The following KRT32 variants were observed in gnomAD, a reference collection of about 807,000 sequenced individuals.
KRT32 encodes the protein keratin, type I cuticular Ha2.
A neutral mutation model predicts 41.8 loss-of-function variants in KRT32; 44 were observed. The ratio of observed to expected loss-of-function variants is 1.05; its 90% CI spans 0.83 to 1.35. The LOEUF (loss-of-function observed/expected upper bound fraction) is 1.35, where lower values mean the gene tolerates loss of function less well. KRT32 is among the 40% of genes most tolerant of loss of function. KRT32 has a pLI of 0.00. For synonymous variants in KRT32, 238 were observed against 242.5 expected (o/e 0.98, Z 0.17); for missense variants, 576 against 584.6 (o/e 0.99, Z 0.15).
chr17:41,466,110 C>A lies in KRT32; in HGVS notation c.535G>T (p.Asp179Tyr), dbSNP rs763536946. ...VNIDNAKLAA[D>Y]DFRAKYEAEL... Reference sequence around the variant, plus strand: ...TGAACTCACTTGGCCCTGAAGTCATCGGCAGCCAGTTTGGCATTATCAATG... The same window carrying A: ...TGAACTCACTTGGCCCTGAAGTCATAGGCAGCCAGTTTGGCATTATCAATG... The change falls in exon 2 of 7, where the codon GAT becomes TAT. Residue 179 changes from aspartate to tyrosine, a missense_variant. Physicochemically the swap from Asp to Tyr is radical, Grantham distance 160. Coordinates refer to ENST00000225899, the MANE Select transcript of KRT32 (RefSeq NM_002278.3). 1.2e-6 allele frequency: 2 copies of A among 1,614,186 alleles called. No homozygotes were observed.
At chr17:41,460,438 C>T (rs1362596604) in intron 6 of KRT32, among the ~76,000 whole-genome samples, 199 bp from the exon 7 acceptor site, 1 of 152,116 alleles carries the variant, frequency 6.6e-6, no homozygotes, top group African/African-American at 2.4e-5. Flanking sequence ...CCACTTGGGC[C>T]CCTCCTAACC....
In KRT32 at chr17:41,463,037, T is replaced by A. The variant is rs751150207; in HGVS notation, c.1010A>T (p.Glu337Val). Reference sequence around the variant, plus strand: ...GGCCTCACTCTCCGTCAGCGTGTTTTCCAGGGAGTCCCTCTAAGGCAAAGG... The same window carrying A: ...GGCCTCACTCTCCGTCAGCGTGTTTACCAGGGAGTCCCTCTAAGGCAAAGG... ...QAQHSLRDSL[E>V]NTLTESEARY... is the part of the protein sequence containing the mutation. Residue 337 changes from glutamate to valine, a missense_variant, in exon 6 of 7, where the codon GAA becomes GTA. Coordinates refer to ENST00000225899, the MANE Select transcript of KRT32 (RefSeq NM_002278.3). 6.2e-7 allele frequency: 1 copy of A among 1,613,100 alleles called. No homozygotes were observed. Among genetic ancestry groups the A allele is most frequent in the Non-Finnish European group, 8.5e-7 (1 of 1,179,278 alleles).
chr17:41,464,924 A>C (rs1239219952), intron 3 of KRT32, among the ~76,000 whole-genome samples: 2 of 152,214 alleles, frequency 1.3e-5, no homozygotes, highest in East Asian at 3.9e-4. Context: ...TGCCGTTCCC[A>C]GTTCTCTGAT....
At chr17:41,463,703 T>A (rs1359825611) in intron 5 of KRT32, among the ~76,000 whole-genome samples, 9 of 92,446 alleles carry the variant, frequency 9.7e-5, no homozygotes, top group African/African-American at 3.5e-4. Flanking sequence ...TGAGACTCCA[T>A]CTCAAAAAAA....
In KRT32 at chr17:41,465,848, C is replaced by T. The variant is rs1254550656; in HGVS notation, c.633G>A (p.Leu211=). Residue 211 remains leucine (L), a synonymous_variant, in exon 3 of 7, where the codon CTG becomes CTA. Coordinates refer to ENST00000225899, the MANE Select transcript of KRT32 (RefSeq NM_002278.3). ...CCTGGGCCTCCAGGTCAGCCTTGCA[C>T]AGAGTGAGATCATCCAGGATCCTGC... ...GLRRILDDLT[L]CKADLEAQVE... 1 of 1,613,984 alleles carries T rather than the reference C, an allele frequency of 6.2e-7. No homozygotes were observed. Among genetic ancestry groups the T allele is most frequent in the African/African-American group, 1.3e-5 (1 of 74,914 alleles).
At position 41,463,827 on chromosome 17, in the gene KRT32, C is replaced by G. The variant is rs373792935; in HGVS notation, c.996+251G>C. Among the ~76,000 whole-genome samples the G allele has an allele frequency of 8.0e-4, 122 of 152,320 alleles. 1 individual carries two copies. The East Asian group carries it at 0.019, about 24-fold the overall frequency. ...AGATCCATAGGTTTGGAAGGGCAGG[C>G]TAAGCACAGAACAAGCCTTCTTGTG... On this transcript the variant is annotated intron_variant, in intron 5 of 6. Coordinates refer to ENST00000225899, the MANE Select transcript of KRT32 (RefSeq NM_002278.3).
At position 41,464,424 on chromosome 17, in the gene KRT32, C is replaced by T. The variant is rs1232926745; in HGVS notation, c.728G>A (p.Cys243Tyr). ...NHEEEVGSLR[C>Y]QLGDRLNIEV... ...GATGTTAAGGCGGTCCCCAAGCTGG[C>T]ATCGAAGGGAACCGACTTCCTGAAA... Residue 243 changes from cysteine (C) to tyrosine (Y), a missense_variant, in exon 4 of 7, where the codon TGC becomes TAC. Cys to Tyr is a radical substitution (Grantham distance 194, BLOSUM62 -2). Coordinates refer to ENST00000225899, the MANE Select transcript of KRT32 (RefSeq NM_002278.3). 30 of 1,573,976 alleles carry T rather than the reference C, an allele frequency of 1.9e-5. No individual in the cohort carries two copies. The highest frequency in any genetic ancestry group is 2.5e-5 in the Non-Finnish European group (29 of 1,161,950).
intron 4 of KRT32, 35 bp from the exon 5 acceptor site, chr17:41,464,238 T>C (rs2019041189): frequency 6.3e-7 from 1 of 1,588,994 alleles, no homozygotes; most frequent in Non-Finnish European, 8.6e-7. Context: ...TAGAGTCCCT[T>C]CCTAGGGATA....
At position 41,466,121 on chromosome 17, in the gene KRT32, T is replaced by A. The variant is rs2019065283; in HGVS notation, c.524A>T (p.Lys175Ile). 1 of 1,614,170 alleles carries A rather than the reference T, an allele frequency of 6.2e-7. No homozygotes were observed. Among genetic ancestry groups the A allele is most frequent in the Middle Eastern group, 1.6e-4 (1 of 6,062 alleles). The part of the protein sequence containing the change: ...ARMVVNIDNA[K>I]LAADDFRAKY... ...GGCCCTGAAGTCATCGGCAGCCAGT[T>A]TGGCATTATCAATGTTCACAACCAT... Residue 175 changes from lysine (K) to isoleucine (I), a missense_variant, in exon 2 of 7, where the codon AAA becomes ATA. By Grantham distance (102) the Lys-to-Ile change is moderately radical (BLOSUM62 -3). Transcript: ENST00000225899.
Position 41,467,373 on chromosome 17 carries a change from G to C in KRT32, c.-48C>G. 7.0e-7 allele frequency: 1 copy of C among 1,419,460 alleles called. No homozygotes were observed. The highest frequency in any genetic ancestry group is 9.6e-7 in the Non-Finnish European group (1 of 1,042,442). The allele number at this position is 1,419,460 out of a possible 1,614,324, so 87.9% of individuals were successfully genotyped here. A position where few individuals can be genotyped will look rare whatever the true frequency, so the allele number is the denominator to read the frequency against. On this transcript the variant is annotated 5_prime_UTR_variant, in exon 1 of 7. Transcript: ENST00000225899. ...AGCCACAGCTACCTGGATGTCTACA[G>C]ACCCCATGCCGCCCGGGCCATTTTA...
chr17:41,460,802 G>A (rs2018994740), intron 6 of KRT32, among the ~76,000 whole-genome samples: 1 of 152,122 alleles, frequency 6.6e-6, no homozygotes. Flanking sequence ...CACCACCATG[G>A]CACATGTACA....
At chr17:41,464,941 A>G (rs2019050403) in intron 3 of KRT32, among the ~76,000 whole-genome samples, 1 of 152,244 alleles carries the variant, frequency 6.6e-6, no homozygotes, top group South Asian at 2.1e-4. Context: ...TGATTTGAGC[A>G]AGATGAGTCA....
Position 41,464,140 on chromosome 17 carries a change from T to A in KRT32, c.934A>T (p.Ile312Phe). Residue 312 changes from isoleucine to phenylalanine, a missense_variant, in exon 5 of 7, where the codon ATC (isoleucine) becomes TTC (phenylalanine). Ile to Phe is a conservative substitution (Grantham distance 21). Coordinates refer to ENST00000225899, the MANE Select transcript of KRT32 (RefSeq NM_002278.3). ...SEQLQNYQSD[I>F]IDLRRTVNTL... ...TTGACCGTGCGTCTCAGGTCAATGATGTCTGACTGGTAGTTCTGAAGCTGC... is the reference window on the plus strand; with the variant it reads ...TTGACCGTGCGTCTCAGGTCAATGAAGTCTGACTGGTAGTTCTGAAGCTGC... 1 of 1,613,292 alleles carries A rather than the reference T, an allele frequency of 6.2e-7. No homozygotes were observed.
Position 41,462,894 on chromosome 17 carries a change from C to T in KRT32, c.1153G>A (p.Val385Ile), listed in dbSNP as rs149524933. ...QNQEYQVLLD[V>I]RARLEGEINT... is the part of the protein sequence containing the mutation. The stretch of plus-strand genomic sequence containing the variant: ...ATCTCGCCCTCCAGCCGGGCCCGGA[C>T]GTCCAGCAGCACCTGGTACTCCTGG... The change falls in exon 6 of 7, where the codon GTC (valine) becomes ATC (isoleucine). Residue 385 changes from valine (V) to isoleucine (I), a missense_variant. Physicochemically the swap from Val to Ile is conservative, Grantham distance 29. Coordinates refer to ENST00000225899, the MANE Select transcript of KRT32 (RefSeq NM_002278.3). The T allele has an allele frequency of 2.9e-4, 467 of 1,583,618 alleles. 3 individuals are homozygous for T. The African/African-American group carries it at 6.1e-3, about 21-fold the overall frequency.
At position 41,466,967 on chromosome 17, in the gene KRT32, T is replaced by A; in HGVS notation, c.359A>T (p.Glu120Val). 6.2e-7 allele frequency: 1 copy of A among 1,614,208 alleles called. No individual in the cohort carries two copies. Among genetic ancestry groups the A allele is most frequent in the Non-Finnish European group, 8.5e-7 (1 of 1,180,032 alleles). ...YLTRVRQLEQ[E>V]NAELESRIQE... ...GATCCTGCTCTCCAGCTCCGCATTC[T>A]CCTGCTCCAGCTGCCGCACCCTCGT... The change falls in exon 1 of 7, where the codon GAG becomes GTG. Residue 120 changes from glutamate to valine, a missense_variant. Physicochemically the swap from Glu to Val is moderately radical, Grantham distance 121. Coordinates refer to ENST00000225899, the MANE Select transcript of KRT32 (RefSeq NM_002278.3).
intron 5 of KRT32, among the ~76,000 whole-genome samples, chr17:41,463,866 C>T (rs2019034275): frequency 6.6e-6 from 1 of 152,232 alleles, no homozygotes; most frequent in South Asian, 2.1e-4. Flanking sequence ...TTGAGTTTGA[C>T]AGTGTCCACC....
chr17:41,462,806 T>C, intron 6 of KRT32, 24 bp downstream of exon 6: 2 of 1,611,986 alleles, frequency 1.2e-6, no homozygotes, highest in Non-Finnish European at 1.7e-6. Flanking sequence ...CACGTCTCTC[T>C]AAGCCTCAGC....
intron 6 of KRT32, 49 bp from the exon 7 acceptor site, chr17:41,460,288 C>T (rs1378409963): frequency 3.9e-6 from 6 of 1,549,572 alleles, no homozygotes; most frequent in South Asian, 1.2e-5. Flanking sequence ...AAGGCCCACT[C>T]GGCCACAGGT....
chr17:41,466,621 G>C (rs1280112910), intron 1 of KRT32, among the ~76,000 whole-genome samples: 1 of 152,144 alleles, frequency 6.6e-6, no homozygotes, highest in Admixed American at 6.5e-5. Flanking sequence ...TGAGGCCTGG[G>C]GAAGGGATGG....
Sources: gnomAD v4.1 joint callset for allele counts (sites outside exome capture counted in the v4.1 genomes callset) on GRCh38, gnomAD v4.1.1 for gene constraint, MANE v1.5 for transcripts, NCBI Gene and HGNC (gene_info 2026-07-23, HGNC 2026-07-21) for gene names.